SEMA3E: variants seen among roughly 807,000 people sequenced by gnomAD.
SEMA3E encodes the protein semaphorin 3E, also known as semaphorin-3E.
Under a neutral mutation model 93.6 loss-of-function variants are expected in SEMA3E, and 49 were observed. The ratio of observed to expected loss-of-function variants is 0.52; its 90% CI spans 0.42 to 0.66. SEMA3E has a LOEUF of 0.66. SEMA3E is among the 30% of genes least tolerant of loss of function. SEMA3E has a pLI of 0.00. For missense variants in SEMA3E, 906 were observed against 964.8 expected, an observed-to-expected ratio of 0.94 and a Z score of 0.81; for synonymous variants, 363 against 330.7, an observed-to-expected ratio of 1.10 and a Z score of -1.06.
chr7:83,387,125 C>CAT (rs1402798078), intron 14 of SEMA3E, 75 bp from the exon 15 acceptor site: 2 of 1,171,362 alleles, frequency 1.7e-6, no homozygotes. Context: ...AATTGCATTT[C>CAT]ATATACAAGT....
rs1794766549 is a variant in SEMA3E, at chr7:83,372,742, A to G, written c.1876-4704T>C. 2.0e-5 allele frequency: 3 copies of G among 152,482 alleles called. No individual in the cohort carries two copies. The South Asian group carries it at 6.2e-4, about 32-fold the overall frequency. The allele number at this position is 152,482 out of a possible 1,614,324, so 9.4% of individuals were successfully genotyped here. A position where few individuals can be genotyped will look rare whatever the true frequency, so the allele number is the denominator to read the frequency against. ...CTCTTGGTTATGACAAATACACATT[A>G]CAAAGACAGGAATATAAGCTGTTTT... On this transcript the variant is annotated intron_variant, in intron 16 of 16. Coordinates refer to ENST00000643230, the MANE Select transcript of SEMA3E (RefSeq NM_012431.3).
At chr7:83,398,072 A>AT (rs563266921) in intron 11 of SEMA3E, among the ~76,000 whole-genome samples, 4 of 152,044 alleles carry the variant, frequency 2.6e-5, no homozygotes, top group Admixed American at 2.0e-4. Context: ...TATTTGTGGG[A>AT]TTTTTCAATG....
chr7:83,533,685 A>C (rs1791352095), intron 1 of SEMA3E, among the ~76,000 whole-genome samples: 1 of 152,188 alleles, frequency 6.6e-6, no homozygotes, highest in South Asian at 2.1e-4. Context: ...CAAGACAGGG[A>C]GGTGAGGAGA....
chr7:83,565,104 G>A (rs1743153972), intron 1 of SEMA3E, among the ~76,000 whole-genome samples: 3 of 152,022 alleles, frequency 2.0e-5, no homozygotes, highest in Non-Finnish European at 2.9e-5. Flanking sequence ...AGAATAAATG[G>A]ATAAATTCCT....
intron 1 of SEMA3E, among the ~76,000 whole-genome samples, chr7:83,531,437 C>T (rs1791299464): frequency 7.2e-6 from 1 of 139,678 alleles, no homozygotes; most frequent in Admixed American, 7.9e-5. Context: ...ACCTCTGCTT[C>T]CTGGGTTCAA....
chr7:83,591,354 T>C (rs1178566604), intron 1 of SEMA3E, among the ~76,000 whole-genome samples: 2 of 151,872 alleles, frequency 1.3e-5, no homozygotes, highest in Non-Finnish European at 2.9e-5. Context: ...ACTGTTAAAA[T>C]GCTACATTCT....
intron 1 of SEMA3E, among the ~76,000 whole-genome samples, chr7:83,636,332 T>C (rs1026203138): frequency 4.6e-5 from 7 of 152,146 alleles, no homozygotes; most frequent in African/African-American, 1.4e-4. Context: ...TCTCCTGTAT[T>C]CTCAATGCTC....
At chr7:83,619,099 T>C (rs975475415) in intron 1 of SEMA3E, among the ~76,000 whole-genome samples, 1 of 151,864 alleles carries the variant, frequency 6.6e-6, no homozygotes, top group African/African-American at 2.4e-5. Flanking sequence ...TGTAATACCT[T>C]ATTTAACAAG....
At chr7:83,492,841 T>C (rs1379086538) in intron 1 of SEMA3E, among the ~76,000 whole-genome samples, 1 of 152,010 alleles carries the variant, frequency 6.6e-6, no homozygotes, top group Non-Finnish European at 1.5e-5. Context: ...AAAAATTTAA[T>C]GACTATCTTA....
At chr7:83,491,931 G>C (rs1199907570) in intron 1 of SEMA3E, among the ~76,000 whole-genome samples, 1 of 151,880 alleles carries the variant, frequency 6.6e-6, no homozygotes, top group African/African-American at 2.4e-5. Flanking sequence ...GCACAGGTTG[G>C]GATCCACTAG....
rs559674832 is a variant in SEMA3E, at chr7:83,606,670, C to A, written c.115+41758G>T. ...GAGATATACCTAATGCTAGATGACA[C>A]GTTAGTGGGTGCAGCACACCAGCAT... On this transcript the variant is annotated intron_variant, in intron 1 of 16. Transcript: ENST00000643230. 7.2e-4 allele frequency among the ~76,000 whole-genome samples: 103 copies of A among 143,558 alleles called. 2 individuals carry two copies. The East Asian group carries it at 0.012, about 16-fold the overall frequency. 94.2% of individuals were successfully genotyped at this position (143,558 alleles called of 152,430 possible).
chr7:83,405,562 C>G, intron 8 of SEMA3E, 43 bp from the exon 9 acceptor site: 1 of 1,525,356 alleles, frequency 6.6e-7, no homozygotes, highest in South Asian at 1.1e-5. Flanking sequence ...ATTTTTAGCT[C>G]TCTTTGCATG....
chr7:83,630,726 T>C (rs1793769350), intron 1 of SEMA3E, among the ~76,000 whole-genome samples: 1 of 152,208 alleles, frequency 6.6e-6, no homozygotes, highest in Non-Finnish European at 1.5e-5. Flanking sequence ...GTTCTTCCTG[T>C]ATACTCAAAA....
chr7:83,608,076 G>A (rs997604448), intron 1 of SEMA3E, among the ~76,000 whole-genome samples: 1 of 152,124 alleles, frequency 6.6e-6, no homozygotes, highest in Non-Finnish European at 1.5e-5. Flanking sequence ...GCTGGGCATG[G>A]TGACATGCAC....
intron 4 of SEMA3E, among the ~76,000 whole-genome samples, chr7:83,444,386 C>T (rs545023146): frequency 6.6e-6 from 1 of 152,230 alleles, no homozygotes; most frequent in East Asian, 1.9e-4. Context: ...CCTTTGTCAA[C>T]CTGAATGTGT....
chr7:83,530,045 C>T (rs891739979), intron 1 of SEMA3E, among the ~76,000 whole-genome samples: 1 of 152,094 alleles, frequency 6.6e-6, no homozygotes, highest in Non-Finnish European at 1.5e-5. Flanking sequence ...TTTCTATGTG[C>T]TGTCAACTTT....
intron 7 of SEMA3E, among the ~76,000 whole-genome samples, chr7:83,406,820 A>T (rs930431118): frequency 2.0e-5 from 3 of 152,168 alleles, no homozygotes; most frequent in Non-Finnish European, 2.9e-5. Context: ...AAGAAAAATA[A>T]AGTTCAAATT....
chr7:83,398,670 A>C (rs1250364557), intron 11 of SEMA3E, among the ~76,000 whole-genome samples: 1 of 152,210 alleles, frequency 6.6e-6, no homozygotes, highest in Non-Finnish European at 1.5e-5. Flanking sequence ...ATGGCTGGGC[A>C]TGGTGGCTTA....
At chr7:83,558,858 T>C (rs1278570563) in intron 1 of SEMA3E, among the ~76,000 whole-genome samples, 2 of 152,026 alleles carry the variant, frequency 1.3e-5, no homozygotes, top group East Asian at 3.8e-4. Flanking sequence ...AAAAAAGAAA[T>C]ACAATATAAA....
Sources: allele counts gnomAD v4.1 joint callset (sites outside exome capture counted in the v4.1 genomes callset), GRCh38; gene constraint gnomAD v4.1.1; transcripts MANE v1.5; gene names NCBI Gene and HGNC (gene_info 2026-07-23, HGNC 2026-07-21).